TRIM2: variants seen among roughly 807,000 people sequenced by gnomAD.
TRIM2 encodes tripartite motif containing 2.
A neutral mutation model predicts 75.2 loss-of-function variants in TRIM2; 20 were observed. That is an observed-to-expected ratio of 0.27 (90% confidence interval 0.19 to 0.39). The LOEUF (loss-of-function observed/expected upper bound fraction) is 0.39. Ranked by LOEUF, TRIM2 falls within the 10% of genes least tolerant of loss-of-function variation. The pLI is 1.00. For synonymous variants in TRIM2, 373 were observed against 388.3 expected, an observed-to-expected ratio of 0.96 and a Z score of 0.46; for missense variants, 660 against 990.8, an observed-to-expected ratio of 0.67 and a Z score of 4.48.
intron 10 of TRIM2, among the ~76,000 whole-genome samples, chr4:153,325,594 GT>G (rs758124723): frequency 1.8e-4 from 28 of 152,302 alleles, no homozygotes; most frequent in African/African-American, 2.6e-4. Flanking sequence ...GATAACACAG[GT>G]TGTTCTCATA....
intron 11 of TRIM2, among the ~76,000 whole-genome samples, chr4:153,331,760 C>T (rs1444864271): frequency 6.6e-6 from 1 of 152,094 alleles, no homozygotes; most frequent in Non-Finnish European, 1.5e-5. Flanking sequence ...ATATAGTTAC[C>T]ATAATCAAGG....
chr4:153,294,153 A>G (rs1000078139), intron 4 of TRIM2, 152 bp from the exon 5 acceptor site: 4 of 767,578 alleles, frequency 5.2e-6, no homozygotes, highest in Non-Finnish European at 6.2e-6. Context: ...TAAGGCAGTA[A>G]TTATGTCATA....
chr4:153,217,370 C>T (rs1372333855), intron 1 of TRIM2, among the ~76,000 whole-genome samples: 1 of 152,076 alleles, frequency 6.6e-6, no homozygotes, highest in African/African-American at 2.4e-5. Flanking sequence ...TGAAATTCGT[C>T]AGGAACAGGC....
At chr4:153,292,268 G>A (rs748137102) in intron 3 of TRIM2, among the ~76,000 whole-genome samples, 7 of 152,082 alleles carry the variant, frequency 4.6e-5, no homozygotes, top group African/African-American at 7.2e-5. Context: ...TAAGCCAGAC[G>A]CTGCAGATAT....
chr4:153,159,773 A>G (rs1329129436), intron 1 of TRIM2, among the ~76,000 whole-genome samples: 3 of 152,216 alleles, frequency 2.0e-5, no homozygotes, highest in Admixed American at 2.0e-4. Context: ...CATGTGGTTT[A>G]TGGTCAGCAT....
intron 10 of TRIM2, among the ~76,000 whole-genome samples, chr4:153,325,267 G>A (rs1769910381): frequency 1.3e-5 from 2 of 152,302 alleles, no homozygotes; most frequent in Admixed American, 1.3e-4. Flanking sequence ...CGCACAGTGG[G>A]CTGCGGAAAT....
intron 6 of TRIM2, among the ~76,000 whole-genome samples, chr4:153,312,397 G>A (rs972992678): frequency 6.6e-6 from 1 of 151,940 alleles, no homozygotes; most frequent in African/African-American, 2.4e-5. Flanking sequence ...GTGGGCGAAG[G>A]ACATGAACAG....
intron 1 of TRIM2, among the ~76,000 whole-genome samples, chr4:153,213,730 T>G (rs1244308446): frequency 2.6e-5 from 4 of 152,174 alleles, no homozygotes; most frequent in Admixed American, 2.6e-4. Flanking sequence ...TTTCACCATG[T>G]TAGCCAGCTG....
chr4:153,331,152 T>C (rs1276464562), intron 11 of TRIM2, among the ~76,000 whole-genome samples: 1 of 151,970 alleles, frequency 6.6e-6, no homozygotes, highest in Non-Finnish European at 1.5e-5. Context: ...GACGACACTA[T>C]CTCTACAAAA....
chr4:153,241,296 C>G (rs1217586826), intron 1 of TRIM2, among the ~76,000 whole-genome samples: 3 of 152,146 alleles, frequency 2.0e-5, no homozygotes, highest in African/African-American at 7.2e-5. Flanking sequence ...ACAGCTCTGG[C>G]TAATGTCTAG....
chr4:153,270,262 G>A, intron 1 of TRIM2, 73 bp from the exon 2 acceptor site: 1 of 1,519,598 alleles, frequency 6.6e-7, no homozygotes, highest in Non-Finnish European at 8.9e-7. Flanking sequence ...AATGCTTATG[G>A]TGAAAGAGCC....
At chr4:153,239,269 G>T (rs1258486179) in intron 1 of TRIM2, among the ~76,000 whole-genome samples, 1 of 151,616 alleles carries the variant, frequency 6.6e-6, no homozygotes, top group East Asian at 1.9e-4. Context: ...GGAGAATGGC[G>T]TGAACGCGGG....
intron 1 of TRIM2, among the ~76,000 whole-genome samples, chr4:153,184,354 G>C (rs1188470267): frequency 6.6e-6 from 1 of 152,154 alleles, no homozygotes; most frequent in African/African-American, 2.4e-5. Context: ...CGTGGAGAGA[G>C]AGAGAACACA....
chr4:153,258,324 A>AT (rs1023340101), intron 1 of TRIM2, among the ~76,000 whole-genome samples: 17 of 151,278 alleles, frequency 1.1e-4, no homozygotes, highest in East Asian at 5.8e-4. Context: ...TTTTCTGACA[A>AT]TTTTTTTTCC....
intron 1 of TRIM2, among the ~76,000 whole-genome samples, chr4:153,213,223 CA>C (rs1737549934): frequency 1.3e-5 from 2 of 152,324 alleles, no homozygotes; most frequent in Admixed American, 1.3e-4. Flanking sequence ...CACAGCTGGT[CA>C]GGGGCAGGCC....
chr4:153,193,191 T>G (rs116207035), intron 1 of TRIM2, among the ~76,000 whole-genome samples: 1 of 147,458 alleles, frequency 6.8e-6, no homozygotes, highest in Non-Finnish European at 1.5e-5. Flanking sequence ...GAATGAAGTG[T>G]CGCGATCTCA....
chr4:153,249,321 G>A (rs1750194778), intron 1 of TRIM2, among the ~76,000 whole-genome samples: 1 of 152,100 alleles, frequency 6.6e-6, no homozygotes, highest in African/African-American at 2.4e-5. Context: ...CTGTTGCTAT[G>A]GAGCCCGGGC....
At chr4:153,224,862 C>G (rs1741686899) in intron 1 of TRIM2, among the ~76,000 whole-genome samples, 1 of 152,196 alleles carries the variant, frequency 6.6e-6, no homozygotes, top group Admixed American at 6.5e-5. Context: ...GTTAGATAGT[C>G]TCAGTGAGAA....
chr4:153,204,826 T>G (rs1579519439), intron 1 of TRIM2, among the ~76,000 whole-genome samples: 5 of 152,154 alleles, frequency 3.3e-5, no homozygotes, highest in African/African-American at 1.2e-4. Context: ...TGGCAAAGCA[T>G]AAGGCCAGTT....
Sources: gnomAD v4.1 joint callset for allele counts (sites outside exome capture counted in the v4.1 genomes callset) on GRCh38, gnomAD v4.1.1 for gene constraint, MANE v1.5 for transcripts, NCBI Gene and HGNC (gene_info 2026-07-23, HGNC 2026-07-21) for gene names.